Variants in GALNT13 observed in about 807,000 individuals in gnomAD.
The protein encoded by GALNT13 is polypeptide N-acetylgalactosaminyltransferase 13.
In GALNT13, 28 loss-of-function variants were observed where a neutral mutation model predicts 64.2. The observed-to-expected ratio is 0.44, with a 90% CI of 0.32 to 0.60. GALNT13 has a LOEUF of 0.60. GALNT13 is among the 20% of genes least tolerant of loss of function. GALNT13 has a pLI of 0.05. For synonymous variants in GALNT13, 214 were observed against 224.6 expected, an observed-to-expected ratio of 0.95 and a Z score of 0.42; for missense variants, 577 against 669.8, an observed-to-expected ratio of 0.86 and a Z score of 1.53.
intron 3 of GALNT13, among the ~76,000 whole-genome samples, chr2:153,999,889 G>A (rs985899647): frequency 4.6e-5 from 7 of 151,856 alleles, no homozygotes; most frequent in Non-Finnish European, 1.0e-4. Context: ...GAGAAGAATT[G>A]GTATTAGTTC....
chr2:153,395,148 C>T, the GALNT13 span, among the ~76,000 whole-genome samples: 1 of 152,130 alleles, frequency 6.6e-6, no homozygotes, highest in African/African-American at 2.4e-5. Flanking sequence ...AGATCATATA[C>T]AATTGAAGGT....
chr2:153,420,934 T>A, the GALNT13 span: 1 of 187,198 alleles, frequency 5.3e-6, no homozygotes, highest in African/African-American at 2.4e-5. Context: ...GGTACCACAG[T>A]GGGAAGCTGG....
chr2:153,435,303 C>T, the GALNT13 span, among the ~76,000 whole-genome samples: 18 of 152,176 alleles, frequency 1.2e-4, no homozygotes, highest in East Asian at 5.8e-4. Flanking sequence ...ATTGACTTGG[C>T]GATGCAGGCT....
At chr2:154,226,404 G>A (rs1244065420) in intron 4 of GALNT13, among the ~76,000 whole-genome samples, 1 of 152,010 alleles carries the variant, frequency 6.6e-6, no homozygotes, top group African/African-American at 2.4e-5. Context: ...GTAATGATGT[G>A]TAAATACCAG....
chr2:153,275,500 C>T, the GALNT13 span, among the ~76,000 whole-genome samples: 1 of 152,144 alleles, frequency 6.6e-6, no homozygotes, highest in Non-Finnish European at 1.5e-5. Flanking sequence ...AGAAGGCCCT[C>T]ACTAGATGCT....
chr2:153,249,213 A>G, the GALNT13 span, among the ~76,000 whole-genome samples: 3 of 152,242 alleles, frequency 2.0e-5, no homozygotes, highest in Non-Finnish European at 4.4e-5. Flanking sequence ...TGTAAAAATC[A>G]CAAGTATTCC....
Position 154,269,560 on chromosome 2 carries a change from T to A in GALNT13, c.975+10422T>A, listed in dbSNP as rs184688936. 4.7e-3 allele frequency among the ~76,000 whole-genome samples: 712 copies of A among 151,878 alleles called. 3 individuals carry two copies. Among genetic ancestry groups the A allele is most frequent in the Admixed American group, 5.7e-3 (87 of 15,224 alleles). On this transcript the variant is annotated intron_variant, in intron 8 of 12. Coordinates refer to ENST00000392825, the MANE Select transcript of GALNT13 (RefSeq NM_052917.4). Reference sequence around the variant, plus strand: ...ATAATATAGAGATTATTAGCCTTTTTAAAAAATCCTATGAAATCATAAACT... The same window carrying A: ...ATAATATAGAGATTATTAGCCTTTTAAAAAAATCCTATGAAATCATAAACT...
chr2:153,571,406 G>C, the GALNT13 span, among the ~76,000 whole-genome samples: 4 of 151,868 alleles, frequency 2.6e-5, no homozygotes, highest in Non-Finnish European at 5.9e-5. Flanking sequence ...TGCAAACAAG[G>C]ATAATTTGAC....
chr2:153,180,760 T>G, the GALNT13 span, among the ~76,000 whole-genome samples: 14 of 152,094 alleles, frequency 9.2e-5, no homozygotes, highest in South Asian at 2.9e-3. Flanking sequence ...ACCAAGATTT[T>G]AGTCTTGGTA....
At chr2:153,461,321 G>T in the GALNT13 span, among the ~76,000 whole-genome samples, 1 of 152,178 alleles carries the variant, frequency 6.6e-6, no homozygotes, top group South Asian at 2.1e-4. Flanking sequence ...GTTAGAAGAT[G>T]CTACTCTGAC....
chr2:154,076,170 C>T (rs542599319), intron 3 of GALNT13, among the ~76,000 whole-genome samples: 6 of 151,682 alleles, frequency 4.0e-5, no homozygotes, highest in Non-Finnish European at 5.9e-5. Flanking sequence ...TAAAATCTTA[C>T]GGCAAATGGA....
chr2:154,250,526 G>T (rs2105886557), intron 7 of GALNT13, among the ~76,000 whole-genome samples: 1 of 152,016 alleles, frequency 6.6e-6, no homozygotes, highest in East Asian at 1.9e-4. Flanking sequence ...CATACAAAGT[G>T]ATTGCTTTAG....
At chr2:154,289,346 AC>A (rs1379673212) in intron 8 of GALNT13, among the ~76,000 whole-genome samples, 3 of 152,180 alleles carry the variant, frequency 2.0e-5, no homozygotes, top group African/African-American at 7.2e-5. Context: ...GTCCATTCTC[AC>A]ACTGCTGATA....
At chr2:153,734,282 C>A in the GALNT13 span, among the ~76,000 whole-genome samples, 2 of 152,132 alleles carry the variant, frequency 1.3e-5, no homozygotes, top group South Asian at 2.1e-4. Flanking sequence ...TTGCCCTTTT[C>A]TCTCATGTGT....
downstream of GALNT13, among the ~76,000 whole-genome samples, chr2:154,455,459 CT>C (rs371890795): frequency 2.1e-3 from 320 of 152,334 alleles, 2 homozygotes; most frequent in African/African-American, 7.2e-3. Flanking sequence ...CTGATATCTG[CT>C]GCAAATCTTG....
the GALNT13 span, among the ~76,000 whole-genome samples, chr2:153,635,479 A>C: frequency 9.1e-6 from 1 of 110,006 alleles, no homozygotes; most frequent in Non-Finnish European, 2.1e-5. Context: ...TTTGTTTTTA[A>C]CTTACCTTTC....
At chr2:153,980,853 G>A (rs1474781027) in intron 3 of GALNT13, among the ~76,000 whole-genome samples, 2 of 152,064 alleles carry the variant, frequency 1.3e-5, no homozygotes, top group Admixed American at 6.6e-5. Flanking sequence ...TCTTAAAGCC[G>A]TAAGGTATCG....
the GALNT13 span, among the ~76,000 whole-genome samples, chr2:153,417,584 T>C: frequency 6.6e-6 from 1 of 152,208 alleles, no homozygotes; most frequent in Non-Finnish European, 1.5e-5. Flanking sequence ...CAGGATTTTC[T>C]GGTAAAATGG....
At chr2:153,095,895 G>A in the GALNT13 span, among the ~76,000 whole-genome samples, 1 of 152,058 alleles carries the variant, frequency 6.6e-6, no homozygotes, top group Non-Finnish European at 1.5e-5. Flanking sequence ...ATGGGGTGGG[G>A]GGAGCGGGGA....
Sources: gnomAD v4.1 joint callset for allele counts (sites outside exome capture counted in the v4.1 genomes callset) on GRCh38, gnomAD v4.1.1 for gene constraint, MANE v1.5 for transcripts, NCBI Gene and HGNC (gene_info 2026-07-23, HGNC 2026-07-21) for gene names.